The following RCSD1 variants were observed in gnomAD, a reference collection of about 807,000 sequenced individuals.
The protein encoded by RCSD1 is capZ-interacting protein.
RCSD1 carries 26 observed loss-of-function variants against 42.5 expected under a neutral mutation model. The observed-to-expected ratio is 0.61, with a 90% confidence interval of 0.45 to 0.85. The LOEUF is 0.85. RCSD1 is among the 40% of genes least tolerant of loss of function. RCSD1 has a pLI of 0.00. For synonymous variants in RCSD1, 220 were observed against 212.2 expected (o/e 1.04, Z -0.32); for missense variants, 571 against 528.3 (o/e 1.08, Z -0.79).
intron 6 of RCSD1, among the ~76,000 whole-genome samples, chr1:167,698,412 T>C (rs1659553379): frequency 6.6e-6 from 1 of 152,224 alleles, no homozygotes; most frequent in African/African-American, 2.4e-5. Context: ...AAGGTAGTAT[T>C]TGAGTTGGCC....
intron 3 of RCSD1, among the ~76,000 whole-genome samples, chr1:167,689,502 A>G (rs1659322869): frequency 6.6e-6 from 1 of 151,922 alleles, no homozygotes; most frequent in African/African-American, 2.4e-5. Flanking sequence ...AAAAAAGAAA[A>G]GAAAAGAAAA....
rs548308169 is a variant in RCSD1, at chr1:167,633,587, T to C, written c.6+3158T>C. ...ACTTGGAGGAAAAGGTTACTTTTTG[T>C]TCATACAAAATCTCCTTGCCTAGTT... is the stretch of plus-strand genomic sequence containing the variant. On this transcript the variant is annotated intron_variant, in intron 1 of 6. Coordinates refer to ENST00000367854, the MANE Select transcript of RCSD1 (RefSeq NM_052862.4). The C allele has an allele frequency of 2.0e-5, 3 of 152,348 alleles. No homozygotes were observed. In the South Asian group the frequency reaches 6.2e-4, roughly 32 times the overall value. The allele number at this position is 152,348 out of a possible 1,614,324, so 9.4% of individuals were successfully genotyped here.
At chr1:167,694,011 G>A in intron 4 of RCSD1, 88 bp from the exon 5 acceptor site, 1 of 1,306,376 alleles carries the variant, frequency 7.7e-7, no homozygotes, top group Non-Finnish European at 1.1e-6. Context: ...GTCTCAACCA[G>A]GCCTGAGGCC....
chr1:167,675,506 A>C (rs1026522933), intron 1 of RCSD1, among the ~76,000 whole-genome samples: 1 of 152,058 alleles, frequency 6.6e-6, no homozygotes, highest in Non-Finnish European at 1.5e-5. Flanking sequence ...TAAACATGAG[A>C]ATTATTAGAG....
intron 1 of RCSD1, among the ~76,000 whole-genome samples, chr1:167,641,152 TG>T: frequency 6.6e-6 from 1 of 152,204 alleles, no homozygotes; most frequent in East Asian, 1.9e-4. Context: ...GAGCTGCAGT[TG>T]GGAGGGGAAG....
rs73035729 is a variant in RCSD1, at chr1:167,697,917, C to G, written c.1218+75C>G. The stretch of plus-strand genomic sequence containing the variant: ...TGTGCCTCTGTCACATGTCCTGTTC[C>G]GTACAGTCCCTTCATAAATCAGCTC... On this transcript the variant is annotated intron_variant, in intron 6 of 6. Transcript: ENST00000367854. 1.1e-4 allele frequency: 144 copies of G among 1,360,376 alleles called. No homozygotes were observed. In the African/African-American group the frequency reaches 1.9e-3, roughly 18 times the overall value. The allele number at this position is 1,360,376 out of a possible 1,614,324, so 84.3% of individuals were successfully genotyped here. A position where few individuals can be genotyped will look rare whatever the true frequency, so the allele number is the denominator to read the frequency against.
chr1:167,643,571 G>A (rs937264574), intron 1 of RCSD1, among the ~76,000 whole-genome samples: 34 of 152,248 alleles, frequency 2.2e-4, no homozygotes, highest in African/African-American at 7.5e-4. Context: ...GTAGATGCAG[G>A]AATGCAGGCT....
rs564305417 is a variant in RCSD1, at chr1:167,687,139, G to A, written c.198+1629G>A. Among the ~76,000 whole-genome samples, 39 of 152,300 alleles carry A rather than the reference G, an allele frequency of 2.6e-4. No individual in the cohort carries two copies. In the East Asian group the frequency reaches 6.4e-3, roughly 25 times the overall value. The stretch of plus-strand genomic sequence containing the variant: ...GGCCAAGGGCTGGTTAAGTCCAAGG[G>A]CGGATTTTAGAAAATCCTGCCTGGA... On this transcript the variant is annotated intron_variant, in intron 3 of 6. Coordinates refer to ENST00000367854, the MANE Select transcript of RCSD1 (RefSeq NM_052862.4).
chr1:167,645,914 G>A (rs1658126685), intron 1 of RCSD1, among the ~76,000 whole-genome samples: 1 of 152,172 alleles, frequency 6.6e-6, no homozygotes, highest in South Asian at 2.1e-4. Context: ...GGGGCTCACG[G>A]GATGGAAGGG....
chr1:167,686,515 C>G (rs924756844), intron 3 of RCSD1, among the ~76,000 whole-genome samples: 1 of 152,198 alleles, frequency 6.6e-6, no homozygotes, highest in Non-Finnish European at 1.5e-5. Context: ...AGAAACTCAT[C>G]GCTGCCCCAG....
rs143723602 is a variant in RCSD1, at chr1:167,649,123, A to G, written c.6+18694A>G. On this transcript the variant is annotated intron_variant, in intron 1 of 6. Transcript: ENST00000367854. ...CCCAGAGTGGGGAGGGGCTGGGGGA[A>G]AGAAAGACTTCTTAAAGGCAGTGAA... Among the ~76,000 whole-genome samples, 492 of 152,244 alleles carry G rather than the reference A, an allele frequency of 3.2e-3. 3 individuals are homozygous for G. Among genetic ancestry groups the G allele is most frequent in the African/African-American group, 0.011 (470 of 41,546 alleles).
chr1:167,630,478 C>A, intron 1 of RCSD1, 49 bp downstream of exon 1: 1 of 1,501,358 alleles, frequency 6.7e-7, no homozygotes. Context: ...AGCGGTGTAT[C>A]GGGCGCCCCT....
rs775341848 is a variant in RCSD1, at chr1:167,637,944, G to A, written c.6+7515G>A. 9.2e-4 allele frequency among the ~76,000 whole-genome samples: 140 copies of A among 152,214 alleles called. 2 individuals carry two copies. The highest frequency in any genetic ancestry group is 2.5e-4 in the Non-Finnish European group (17 of 68,042). The stretch of plus-strand genomic sequence containing the variant: ...AACCACATGCATCAGCCCAAACCCA[G>A]TAAGCAGTGCCGCTGGGCCTTGTGG... On this transcript the variant is annotated intron_variant, in intron 1 of 6. Coordinates refer to ENST00000367854, the MANE Select transcript of RCSD1 (RefSeq NM_052862.4).
At chr1:167,649,992 A>G (rs763525466) in intron 1 of RCSD1, among the ~76,000 whole-genome samples, 26 of 152,186 alleles carry the variant, frequency 1.7e-4, no homozygotes, top group Non-Finnish European at 2.9e-4. Flanking sequence ...AACACGTTGC[A>G]GGAGGAAGCT....
At chr1:167,676,199 G>A (rs1472749925) in intron 1 of RCSD1, among the ~76,000 whole-genome samples, 3 of 152,212 alleles carry the variant, frequency 2.0e-5, no homozygotes, top group African/African-American at 4.8e-5. Flanking sequence ...ACTAGTAAAT[G>A]TAGAGCTGGG....
At chr1:167,663,024 G>T (rs1195006253) in intron 1 of RCSD1, among the ~76,000 whole-genome samples, 1 of 152,204 alleles carries the variant, frequency 6.6e-6, no homozygotes, top group Non-Finnish European at 1.5e-5. Flanking sequence ...AGATGAAGCA[G>T]AAGGTCATCA....
chr1:167,630,319 G>A lies in RCSD1; in HGVS notation c.-105G>A. 3.2e-6 allele frequency: 4 copies of A among 1,237,962 alleles called. No individual in the cohort carries two copies. Among genetic ancestry groups the A allele is most frequent in the Non-Finnish European group, 4.1e-6 (4 of 971,878 alleles). The allele number at this position is 1,237,962 out of a possible 1,614,324, so 76.7% of individuals were successfully genotyped here. A position where few individuals can be genotyped will look rare whatever the true frequency, so the allele number is the denominator to read the frequency against. ...ACCGCCCACTCGCCCTGTGCCCGCC[G>A]CAGCCCGAAACTGGCCACGGCCGGG... On this transcript the variant is annotated 5_prime_UTR_variant, in exon 1 of 7. Transcript: ENST00000367854.
intron 1 of RCSD1, among the ~76,000 whole-genome samples, chr1:167,653,718 G>T (rs1658361468): frequency 6.6e-6 from 1 of 152,226 alleles, no homozygotes; most frequent in Non-Finnish European, 1.5e-5. Context: ...AGAGAGAATT[G>T]CATGGAGTGG....
At chr1:167,634,941 AGTGTGTGT>A (rs68149146) in intron 1 of RCSD1, among the ~76,000 whole-genome samples, 1,757 of 146,612 alleles carry the variant, frequency 0.012, 12 homozygotes, top group Non-Finnish European at 0.015. Flanking sequence ...CTATGATGAG[AGTGTGTGT>A]GTGTGTGTGT....
Sources: gnomAD v4.1 joint callset for allele counts (sites outside exome capture counted in the v4.1 genomes callset) on GRCh38, gnomAD v4.1.1 for gene constraint, MANE v1.5 for transcripts, NCBI Gene and HGNC (gene_info 2026-07-23, HGNC 2026-07-21) for gene names.